Variants in TMEM132B observed in about 807,000 individuals in gnomAD.
The protein encoded by TMEM132B is transmembrane protein 132B.
TMEM132B carries 18 observed loss-of-function variants against 90.8 expected under a neutral mutation model. The observed-to-expected ratio is 0.20, with a 90% CI of 0.14 to 0.29. TMEM132B has a LOEUF of 0.29. Ranked by LOEUF, TMEM132B falls within the 10% of genes least tolerant of loss-of-function variation. The pLI, the probability that TMEM132B is intolerant of heterozygous loss-of-function variation, is 1.00. For synonymous variants in TMEM132B, 504 were observed against 523.3 expected (o/e 0.96, Z 0.50); for missense variants, 1,096 against 1,326.8 (o/e 0.83, Z 2.70).
chr12:125,654,113 C>T lies in TMEM132B; in HGVS notation c.2655C>T (p.Asp885=), dbSNP rs747184399. The change falls in exon 9 of 9, where the codon GAC becomes GAT. Residue 885 remains aspartate (D), a synonymous_variant. Transcript: ENST00000682704. The surrounding 1 kb of genome is among the most constrained non-coding windows in gnomAD (Gnocchi z 5.8). ...TSFPTQGKSP[D]PNNPSDLTVT... ...TCCCCACTCAAGGGAAGTCACCGGA[C>T]CCCAATAATCCTAGTGACCTCACAG... 8 of 1,614,176 alleles carry T rather than the reference C, an allele frequency of 5.0e-6. No homozygotes were observed. In the East Asian group the frequency reaches 1.3e-4, roughly 27 times the overall value.
intron 1 of TMEM132B, among the ~76,000 whole-genome samples, chr12:125,328,112 T>C (rs969173819): frequency 6.6e-6 from 1 of 152,234 alleles, no homozygotes; most frequent in African/African-American, 2.4e-5. Context: ...TTCTCCGTAA[T>C]AGCAGAGTGA....
chr12:125,359,380 G>T (rs1877889592), intron 2 of TMEM132B, among the ~76,000 whole-genome samples: 1 of 151,916 alleles, frequency 6.6e-6, no homozygotes, highest in African/African-American at 2.4e-5. Flanking sequence ...TGTTAAATAT[G>T]TACCATTATA....
intron 1 of TMEM132B, among the ~76,000 whole-genome samples, chr12:125,261,633 T>A (rs1874570533): frequency 6.6e-6 from 1 of 152,224 alleles, no homozygotes; most frequent in South Asian, 2.1e-4. Context: ...AGTAGCTATG[T>A]GATTAACCAA....
chr12:125,286,663 G>A (rs964286713), intron 1 of TMEM132B, among the ~76,000 whole-genome samples: 1 of 152,060 alleles, frequency 6.6e-6, no homozygotes, highest in Non-Finnish European at 1.5e-5. Context: ...AAATGAAGGT[G>A]TCAGCAGGGC....
intron 2 of TMEM132B, among the ~76,000 whole-genome samples, chr12:125,371,814 C>T (rs991210600): frequency 1.5e-4 from 23 of 152,278 alleles, no homozygotes; most frequent in African/African-American, 3.6e-4. Flanking sequence ...GTGATCTTTT[C>T]GTCTTCACTA....
At chr12:125,360,545 T>C (rs1877926998) in intron 2 of TMEM132B, among the ~76,000 whole-genome samples, 1 of 152,160 alleles carries the variant, frequency 6.6e-6, no homozygotes, top group Non-Finnish European at 1.5e-5. Context: ...TGAAGGAAGG[T>C]GGTCTGTGTG....
chr12:125,332,699 A>G (rs1484936795), intron 1 of TMEM132B, among the ~76,000 whole-genome samples: 4 of 144,530 alleles, frequency 2.8e-5, no homozygotes, highest in African/African-American at 1.0e-4. Flanking sequence ...GGGATGTTGA[A>G]GGCGTCTGAG....
At chr12:125,584,240 A>G (rs1423880247) in intron 5 of TMEM132B, 2 of 524,310 alleles carry the variant, frequency 3.8e-6, no homozygotes, top group South Asian at 4.2e-5. Context: ...TCCAGCAGAA[A>G]GAATTTATTC....
At chr12:125,461,966 G>A (rs1277999735) in intron 3 of TMEM132B, among the ~76,000 whole-genome samples, 1 of 152,196 alleles carries the variant, frequency 6.6e-6, no homozygotes, top group Non-Finnish European at 1.5e-5. Flanking sequence ...GTCTCAGCTT[G>A]GATCTCATTG....
rs148106882 is a variant in TMEM132B at position 125,397,782 on chromosome 12, A to G, written c.960-17749A>G. Among the ~76,000 whole-genome samples the G allele has an allele frequency of 2.8e-3, 424 of 152,304 alleles. 4 individuals are homozygous for G. Among genetic ancestry groups the G allele is most frequent in the African/African-American group, 9.6e-3 (401 of 41,568 alleles). ...AAGGAGGATTGATTTTCTTGTTAGG[A>G]ACCAATGCTTGGGGCACCAATGCTT... On this transcript the variant is annotated intron_variant, in intron 2 of 8. Coordinates refer to ENST00000682704, the MANE Select transcript of TMEM132B (RefSeq NM_001366854.1).
rs1234421013 is a variant in TMEM132B, at chr12:125,213,098, T to G, written c.67+26232T>G. On this transcript the variant is annotated intron_variant, in intron 1 of 8. Coordinates refer to ENST00000682704, the MANE Select transcript of TMEM132B (RefSeq NM_001366854.1). This position sits in a 1 kb window ranked among gnomAD's most constrained non-coding sequence, Gnocchi z 4.2. The stretch of plus-strand genomic sequence containing the variant: ...GTCACTCCCTACTGCCTTCAACCCC[T>G]GGCAAATACGCTTCTACTTTCTATT... 6.6e-6 allele frequency among the ~76,000 whole-genome samples: 1 copy of G among 152,214 alleles called. No individual in the cohort carries two copies. Among genetic ancestry groups the G allele is most frequent in the South Asian group, 2.1e-4 (1 of 4,830 alleles).
chr12:125,229,099 C>T (rs1873756256), intron 1 of TMEM132B, among the ~76,000 whole-genome samples: 1 of 152,186 alleles, frequency 6.6e-6, no homozygotes. Context: ...TCCCTCATGA[C>T]GCAATTGAGT....
intron 3 of TMEM132B, among the ~76,000 whole-genome samples, chr12:125,510,899 A>G (rs1882960042): frequency 3.9e-5 from 6 of 152,244 alleles, no homozygotes; most frequent in Admixed American, 3.3e-4. Context: ...CTATTTAAAA[A>G]CAATTGAGTT....
intron 1 of TMEM132B, among the ~76,000 whole-genome samples, chr12:125,247,392 T>G (rs1009489295): frequency 6.6e-6 from 1 of 152,120 alleles, no homozygotes; most frequent in African/African-American, 2.4e-5. Flanking sequence ...TCTTTGGAGG[T>G]TCTCCTAAGA....
intron 1 of TMEM132B, among the ~76,000 whole-genome samples, chr12:125,308,506 G>T (rs1876047436): frequency 6.6e-6 from 1 of 152,144 alleles, no homozygotes; most frequent in Non-Finnish European, 1.5e-5. Context: ...ATTAAGACAT[G>T]AGATTGCTGG....
intron 3 of TMEM132B, among the ~76,000 whole-genome samples, chr12:125,516,429 A>G (rs919255226): frequency 6.6e-6 from 1 of 152,232 alleles, no homozygotes; most frequent in African/African-American, 2.4e-5. Context: ...CTAAAAGTAT[A>G]AGACCTCTTT....
intron 1 of TMEM132B, among the ~76,000 whole-genome samples, chr12:125,304,330 G>A (rs1372545842): frequency 6.6e-6 from 1 of 152,164 alleles, no homozygotes. Context: ...AGGGTTTGGG[G>A]ACCCCTGCTT....
intron 1 of TMEM132B, among the ~76,000 whole-genome samples, chr12:125,280,062 C>T (rs1300440644): frequency 1.3e-5 from 2 of 152,154 alleles, no homozygotes; most frequent in Admixed American, 6.5e-5. Flanking sequence ...ACCTGTCCTT[C>T]GTCACCCAGC....
chr12:125,624,823 A>G (rs944535022), intron 5 of TMEM132B, among the ~76,000 whole-genome samples: 1 of 152,054 alleles, frequency 6.6e-6, no homozygotes, highest in African/African-American at 2.4e-5. Context: ...TCCCCCACCC[A>G]CTTTAGTGAG....
Sources: allele counts gnomAD v4.1 joint callset (sites outside exome capture counted in the v4.1 genomes callset), GRCh38; gene constraint gnomAD v4.1.1; non-coding constraint Gnocchi (gnomAD v3.1); transcripts MANE v1.5; gene names NCBI Gene and HGNC (gene_info 2026-07-23, HGNC 2026-07-21).